The following LRCH2 variants were observed in gnomAD, a reference collection of about 807,000 sequenced individuals.
The protein encoded by LRCH2 is leucine rich repeats and calponin homology domain containing 2, also known as leucine-rich repeat and calponin homology domain-containing protein 2.
A neutral mutation model predicts 68.9 loss-of-function variants in LRCH2; 38 were observed. That is an observed-to-expected ratio of 0.55 (90% CI 0.43 to 0.72). The LOEUF (loss-of-function observed/expected upper bound fraction) is 0.72, where lower values mean the gene tolerates loss of function less well. Among genes scored for constraint, LRCH2 ranks in the 30% least tolerant of loss-of-function variants. The pLI is 0.00. For synonymous variants in LRCH2, 191 were observed against 208.1 expected, an observed-to-expected ratio of 0.92 and a Z score of 0.71; for missense variants, 528 against 572.9, an observed-to-expected ratio of 0.92 and a Z score of 0.80.
intron 20 of LRCH2, among the ~76,000 whole-genome samples, chrX:115,118,920 C>T (rs1251930627): frequency 1.8e-5 from 2 of 111,549 alleles, no homozygotes; most frequent in Non-Finnish European, 3.8e-5. Flanking sequence ...ACAAAAACCA[C>T]ATGATTATCG....
intron 5 of LRCH2, among the ~76,000 whole-genome samples, chrX:115,178,936 C>T (rs781819687): frequency 2.7e-5 from 3 of 112,135 alleles, no homozygotes; most frequent in African/African-American, 9.7e-5. Flanking sequence ...CTCTTTCATA[C>T]TTTGTCCATA....
chrX:115,152,599 T>G (rs2072440455), intron 12 of LRCH2, among the ~76,000 whole-genome samples: 1 of 110,345 alleles, frequency 9.1e-6, no homozygotes, highest in Admixed American at 9.7e-5. Context: ...GACAGAAAAA[T>G]ATTAAAGAAT....
rs1217305368 is a variant in LRCH2 at position 115,121,585 on chromosome X, G to A, written c.2178+942C>T. On this transcript the variant is annotated intron_variant, in intron 20 of 20. Transcript: ENST00000317135. ...AAAATTGCTTGAACTGGGAGGCGGC[G>A]GTTGCAGTGAGACGAGATCGTGCCA... is the stretch of plus-strand genomic sequence containing the variant. 6.2e-5 allele frequency among the ~76,000 whole-genome samples: 7 copies of A among 112,053 alleles called. No individual in the cohort carries two copies. The East Asian group carries it at 8.4e-4, about 14-fold the overall frequency.
rs1417433147 is a variant in LRCH2 at position 115,192,042 on chromosome X, C to A, written c.350-3672G>T. Reference sequence around the variant, plus strand: ...GCCACTACGAAGAGTACCGAGGCCGCTCGCACGACACCCACAGCAGGGGCC... The same window carrying A: ...GCCACTACGAAGAGTACCGAGGCCGATCGCACGACACCCACAGCAGGGGCC... On this transcript the variant is annotated intron_variant, in intron 1 of 20. Transcript: ENST00000317135. The A allele has an allele frequency of 1.4e-5, 16 of 1,166,002 alleles. No homozygotes were observed. In the Admixed American group the frequency reaches 3.9e-4, roughly 28 times the overall value.
At chrX:115,147,606 G>A (rs1458921605) in intron 14 of LRCH2, among the ~76,000 whole-genome samples, 1 of 111,245 alleles carries the variant, frequency 9.0e-6, no homozygotes, top group Non-Finnish European at 1.9e-5. Context: ...TATTATAGAA[G>A]ATGTTTATTT....
chrX:115,233,851 G>A lies in LRCH2; in HGVS notation c.191C>T (p.Pro64Leu). The change falls in exon 1 of 21, where the codon CCG becomes CTG. Residue 64 changes from proline (P) to leucine (L), a missense_variant. Pro to Leu is a moderately conservative substitution (Grantham distance 98). Transcript: ENST00000317135. ...TLFGQPFPNG[P>L]PWNPGSLQPQ... Reference sequence around the variant, plus strand: ...CTGCAGGCTCCCCGGGTTCCACGGCGGCCCGTTGGGGAACGGCTGACCGAA... The same window carrying A: ...CTGCAGGCTCCCCGGGTTCCACGGCAGCCCGTTGGGGAACGGCTGACCGAA... The A allele has an allele frequency of 8.6e-7, 1 of 1,166,966 alleles. No individual in the cohort carries two copies. Among genetic ancestry groups the A allele is most frequent in the Admixed American group, 2.6e-5 (1 of 38,722 alleles).
intron 5 of LRCH2, among the ~76,000 whole-genome samples, chrX:115,178,616 C>A (rs183098096): frequency 9.8e-5 from 11 of 112,039 alleles, no homozygotes; most frequent in African/African-American, 2.9e-4. Flanking sequence ...CCATAGCAGG[C>A]ACAAGTTTCA....
chrX:115,193,883 T>C (rs1241501662), intron 1 of LRCH2, among the ~76,000 whole-genome samples: 2 of 111,528 alleles, frequency 1.8e-5, no homozygotes, highest in Non-Finnish European at 3.8e-5. Context: ...TACCTTATCA[T>C]AGAAATTTAC....
At chrX:115,194,080 T>C (rs1556562387) in intron 1 of LRCH2, among the ~76,000 whole-genome samples, 1 of 110,793 alleles carries the variant, frequency 9.0e-6, no homozygotes, top group African/African-American at 3.3e-5. Flanking sequence ...CACTTAGCAA[T>C]ATAGTAAATT....
intron 14 of LRCH2, among the ~76,000 whole-genome samples, chrX:115,145,362 A>G (rs1024716109): frequency 2.7e-5 from 3 of 111,549 alleles, no homozygotes; most frequent in Non-Finnish European, 1.9e-5. Context: ...AACATGGGGG[A>G]AAATCTCCAG....
rs782260807 is a variant in LRCH2 at position 115,112,018 on chromosome X, T to C, written c.*1198A>G. The stretch of plus-strand genomic sequence containing the variant: ...AATACCACCAATGTAAATTTACCCA[T>C]ACCTAAGTTAAAACAAGGACTTTGT... On this transcript the variant is annotated 3_prime_UTR_variant, in exon 21 of 21. Coordinates refer to ENST00000317135, the MANE Select transcript of LRCH2 (RefSeq NM_020871.4). 8.9e-6 allele frequency: 1 copy of C among 112,203 alleles called. No individual in the cohort carries two copies. The highest frequency in any genetic ancestry group is 3.2e-5 in the African/African-American group (1 of 30,950). 9.2% of individuals were successfully genotyped at this position (112,203 alleles called of 1,213,427 possible).
chrX:115,162,256 C>T (rs1556542231), intron 11 of LRCH2, among the ~76,000 whole-genome samples: 2 of 111,310 alleles, frequency 1.8e-5, no homozygotes, highest in African/African-American at 6.5e-5. Flanking sequence ...ATTATCGTCC[C>T]ATAATGATAA....
intron 1 of LRCH2, among the ~76,000 whole-genome samples, chrX:115,194,475 TGG>T (rs1424726825): frequency 1.8e-5 from 2 of 111,960 alleles, no homozygotes; most frequent in African/African-American, 6.5e-5. Flanking sequence ...TTCAGAATTC[TGG>T]GAGTTCAAAA....
At chrX:115,227,192 G>A (rs2073124508) in intron 1 of LRCH2, among the ~76,000 whole-genome samples, 1 of 109,782 alleles carries the variant, frequency 9.1e-6, no homozygotes, top group African/African-American at 3.3e-5. Context: ...AGCAGGCTGA[G>A]ACAGGAGGAT....
intron 1 of LRCH2, among the ~76,000 whole-genome samples, chrX:115,230,371 A>G (rs1443120726): frequency 1.8e-5 from 2 of 111,278 alleles, no homozygotes; most frequent in South Asian, 7.7e-4. Flanking sequence ...CAAGTAAATT[A>G]GCAAACTCCC....
intron 1 of LRCH2, chrX:115,189,477 TG>T: frequency 8.5e-7 from 1 of 1,179,406 alleles, no homozygotes; most frequent in Non-Finnish European, 1.1e-6. Context: ...AGCTTTTCAT[TG>T]GGGGCCTCAA....
intron 1 of LRCH2, among the ~76,000 whole-genome samples, chrX:115,214,060 T>C (rs1327078113): frequency 2.7e-5 from 3 of 111,911 alleles, no homozygotes; most frequent in Non-Finnish European, 5.6e-5. Context: ...GGAGAGTGCA[T>C]AAAATCAGCC....
At chrX:115,189,346 G>A (rs2072760335) in intron 1 of LRCH2, 1 of 964,629 alleles carries the variant, frequency 1.0e-6, no homozygotes, top group Non-Finnish European at 1.4e-6. Context: ...CCCCCAACCG[G>A]TAGGAGCCGC....
chrX:115,162,212 C>T (rs1556542195), intron 11 of LRCH2, among the ~76,000 whole-genome samples: 1 of 111,277 alleles, frequency 9.0e-6, no homozygotes, highest in African/African-American at 3.3e-5. Flanking sequence ...TAAACCATGG[C>T]ACCCAGCTAG....
Sources: gnomAD v4.1 joint callset for allele counts (sites outside exome capture counted in the v4.1 genomes callset) on GRCh38, gnomAD v4.1.1 for gene constraint, MANE v1.5 for transcripts, NCBI Gene and HGNC (gene_info 2026-07-23, HGNC 2026-07-21) for gene names.